HLCS: variants seen among roughly 807,000 people sequenced by gnomAD.
The protein encoded by HLCS is holocarboxylase synthetase.
Under a neutral mutation model 75.0 loss-of-function variants are expected in HLCS, and 53 were observed. That is an observed-to-expected ratio of 0.71 (90% CI 0.57 to 0.89). HLCS has a LOEUF of 0.89. Ranked by LOEUF, HLCS falls within the 40% of genes least tolerant of loss-of-function variation. The pLI is 0.00. For missense variants in HLCS, 966 were observed against 1,074.0 expected (o/e 0.90, Z 1.41); for synonymous variants, 431 against 428.6 (o/e 1.01, Z -0.07).
intron 1 of HLCS, among the ~76,000 whole-genome samples, chr21:36,978,563 GA>G (rs1312736033): frequency 1.3e-5 from 2 of 152,084 alleles, no homozygotes; most frequent in Non-Finnish European, 2.9e-5. Flanking sequence ...GAAGCGTCCT[GA>G]TTAAACTGCA....
chr21:36,931,290 A>C (rs1224897037), intron 4 of HLCS, among the ~76,000 whole-genome samples: 1 of 48,846 alleles, frequency 2.0e-5, no homozygotes, highest in African/African-American at 6.0e-5. Context: ...TCGCAAAAAA[A>C]AAAAAAAAAA....
At chr21:36,833,929 G>T (rs1426209408) in intron 6 of HLCS, among the ~76,000 whole-genome samples, 3 of 152,236 alleles carry the variant, frequency 2.0e-5, no homozygotes, top group African/African-American at 7.2e-5. Context: ...GGATTTGCTA[G>T]AATTTAGTAC....
At chr21:36,858,166 C>G (rs1011673254) in intron 6 of HLCS, among the ~76,000 whole-genome samples, 2 of 152,282 alleles carry the variant, frequency 1.3e-5, no homozygotes, top group African/African-American at 4.8e-5. Flanking sequence ...TAAAAAATTT[C>G]TTTCACTGCC....
At chr21:36,894,505 C>G (rs957138617) in intron 6 of HLCS, among the ~76,000 whole-genome samples, 1 of 152,124 alleles carries the variant, frequency 6.6e-6, no homozygotes, top group East Asian at 1.9e-4. Context: ...GAATTTCTTC[C>G]CAGGTTCACT....
intron 2 of HLCS, chr21:36,947,272 C>A: frequency 1.2e-6 from 1 of 827,540 alleles, no homozygotes; most frequent in Non-Finnish European, 1.5e-6. Context: ...CCGGAAGAGC[C>A]CAAAGAATAC....
intron 6 of HLCS, among the ~76,000 whole-genome samples, chr21:36,784,402 A>C (rs2060627375): frequency 7.1e-6 from 1 of 141,704 alleles, no homozygotes. Flanking sequence ...TGAACCCTCT[A>C]CCTCCCAGGT....
chr21:36,827,790 GGTAA>G (rs2062057423), intron 6 of HLCS, among the ~76,000 whole-genome samples: 1 of 150,320 alleles, frequency 6.7e-6, no homozygotes, highest in Admixed American at 6.6e-5. Flanking sequence ...CAAACTCAGT[GGTAA>G]GTATTTTTCT....
chr21:36,913,133 T>C (rs116784854), intron 5 of HLCS, among the ~76,000 whole-genome samples: 1,769 of 152,102 alleles, frequency 0.012, 27 homozygotes, highest in African/African-American at 0.037. Context: ...GCAGAAGAAA[T>C]GGGACCCCAG....
chr21:36,931,160 G>C (rs1381638709), intron 4 of HLCS, among the ~76,000 whole-genome samples: 1 of 151,718 alleles, frequency 6.6e-6, no homozygotes, highest in Non-Finnish European at 1.5e-5. Context: ...GCATGAGCCT[G>C]TAATCCCAGC....
rs1228716242 is a variant in HLCS at position 36,937,082 on chromosome 21, C to A, written c.804G>T (p.Lys268Asn). The change falls in exon 4 of 11, where the codon AAG (lysine) becomes AAT (asparagine). Residue 268 changes from lysine (K) to asparagine (N), a missense_variant. By Grantham distance (94) the Lys-to-Asn change is moderately conservative (BLOSUM62 0). Coordinates refer to ENST00000674895, the MANE Select transcript of HLCS (RefSeq NM_001352514.2). ...ELENSTIESV[K>N]FASAENIPDL... ...CTGGAATGTTCTCGGCAGACGCAAA[C>A]TTGACTGACTCAATGGTGCTGTTCT... is the stretch of plus-strand genomic sequence containing the variant. 6.2e-7 allele frequency: 1 copy of A among 1,614,176 alleles called. No homozygotes were observed. Among genetic ancestry groups the A allele is most frequent in the East Asian group, 2.2e-5 (1 of 44,876 alleles).
chr21:36,899,976 G>A (rs1174961226), intron 5 of HLCS, among the ~76,000 whole-genome samples: 1 of 151,904 alleles, frequency 6.6e-6, no homozygotes, highest in Non-Finnish European at 1.5e-5. Context: ...ATCGTGGTGG[G>A]TGCCTGTAAT....
intron 10 of HLCS, among the ~76,000 whole-genome samples, chr21:36,755,263 G>A (rs1222065879): frequency 6.6e-6 from 1 of 151,790 alleles, no homozygotes; most frequent in Non-Finnish European, 1.5e-5. Flanking sequence ...TTAGCGGGCC[G>A]TGTGGCACAC....
chr21:36,962,255 C>A (rs1434441768), intron 1 of HLCS, 85 bp from the exon 2 acceptor site: 13 of 899,852 alleles, frequency 1.4e-5, no homozygotes, highest in Non-Finnish European at 1.8e-5. Flanking sequence ...AACATACCCT[C>A]CCCTATAATT....
At chr21:36,830,088 G>A (rs1291317885) in intron 6 of HLCS, among the ~76,000 whole-genome samples, 4 of 152,150 alleles carry the variant, frequency 2.6e-5, no homozygotes, top group Non-Finnish European at 4.4e-5. Flanking sequence ...TGTAAGAAGA[G>A]GACATTTGAA....
intron 6 of HLCS, among the ~76,000 whole-genome samples, chr21:36,817,135 C>T (rs1157495404): frequency 6.6e-5 from 10 of 152,268 alleles, no homozygotes; most frequent in South Asian, 6.2e-4. Context: ...CAGCAGATAA[C>T]GGATGCATTA....
intron 5 of HLCS, among the ~76,000 whole-genome samples, chr21:36,910,502 C>T (rs1358178148): frequency 2.0e-5 from 3 of 151,318 alleles, no homozygotes; most frequent in South Asian, 2.1e-4. Flanking sequence ...GCAGAGATCG[C>T]GCCACTGCAC....
intron 6 of HLCS, among the ~76,000 whole-genome samples, chr21:36,875,539 T>C (rs564597492): frequency 3.3e-5 from 5 of 152,084 alleles, no homozygotes; most frequent in Non-Finnish European, 7.4e-5. Context: ...AGACAGATGT[T>C]GGGATAACAT....
At chr21:36,876,070 C>T (rs747629540) in intron 6 of HLCS, among the ~76,000 whole-genome samples, 4 of 152,214 alleles carry the variant, frequency 2.6e-5, no homozygotes, top group Middle Eastern at 3.4e-3. Context: ...CCTGCCCCAC[C>T]GCAGCAGCCA....
intron 2 of HLCS, among the ~76,000 whole-genome samples, chr21:36,942,454 T>C (rs1161961861): frequency 7.3e-6 from 1 of 136,866 alleles, no homozygotes; most frequent in African/African-American, 2.7e-5. Context: ...CTTCCTCACA[T>C]CATGCAAACC....
Sources: gnomAD v4.1 joint callset for allele counts (sites outside exome capture counted in the v4.1 genomes callset) on GRCh38, gnomAD v4.1.1 for gene constraint, MANE v1.5 for transcripts, NCBI Gene and HGNC (gene_info 2026-07-23, HGNC 2026-07-21) for gene names.